Variants in MAML2 observed in about 807,000 individuals in gnomAD.
MAML2 encodes mastermind like transcriptional coactivator 2.
In MAML2, 22 loss-of-function variants were observed where a neutral mutation model predicts 96.1. The ratio of observed to expected loss-of-function variants is 0.23; its 90% CI spans 0.16 to 0.33. The LOEUF is 0.33. Among genes scored for constraint, MAML2 ranks in the 10% least tolerant of loss-of-function variants. The pLI, the probability that MAML2 is intolerant of heterozygous loss-of-function variation, is 1.00. For synonymous variants in MAML2, 561 were observed against 521.3 expected (o/e 1.08, Z -1.04); for missense variants, 1,367 against 1,392.4 (o/e 0.98, Z 0.29).
At chr11:96,067,833 A>G (rs1276099683) in intron 2 of MAML2, among the ~76,000 whole-genome samples, 2 of 152,224 alleles carry the variant, frequency 1.3e-5, no homozygotes, top group Non-Finnish European at 2.9e-5. Flanking sequence ...ACAACTTCAA[A>G]TATTATATTT....
At chr11:96,335,547 G>A (rs1229919632) in intron 1 of MAML2, among the ~76,000 whole-genome samples, 4 of 152,182 alleles carry the variant, frequency 2.6e-5, no homozygotes, top group Non-Finnish European at 1.5e-5. Context: ...CCATGAATGG[G>A]AGAATGTGTA....
chr11:96,202,799 T>C lies in MAML2; in HGVS notation c.514-109282A>G, dbSNP rs548259169. 2.2e-3 allele frequency among the ~76,000 whole-genome samples: 336 copies of C among 152,234 alleles called. 2 individuals are homozygous for C. The highest frequency in any genetic ancestry group is 7.8e-3 in the African/African-American group (325 of 41,542). On this transcript the variant is annotated intron_variant, in intron 1 of 4. Coordinates refer to ENST00000524717, the MANE Select transcript of MAML2 (RefSeq NM_032427.4). ...ACATGCCACCACGCCTGGCTAATTT[T>C]GTATTTTTGGTAGAGACAGGGTTTC...
At chr11:96,202,932 A>G (rs1407620516) in intron 1 of MAML2, among the ~76,000 whole-genome samples, 1 of 152,130 alleles carries the variant, frequency 6.6e-6, no homozygotes, top group Non-Finnish European at 1.5e-5. Context: ...CTAGCCTCAG[A>G]TGATATTTTT....
intron 2 of MAML2, among the ~76,000 whole-genome samples, chr11:96,007,941 G>C (rs1273399239): frequency 6.6e-6 from 1 of 150,584 alleles, no homozygotes; most frequent in Non-Finnish European, 1.5e-5. Flanking sequence ...ACGAGTTAGT[G>C]GGTGCAGCGC....
At chr11:96,301,618 C>T (rs1338248943) in intron 1 of MAML2, among the ~76,000 whole-genome samples, 1 of 152,216 alleles carries the variant, frequency 6.6e-6, no homozygotes, top group South Asian at 2.1e-4. Flanking sequence ...GGGCTCTTCA[C>T]TAGAGTTTAT....
chr11:96,260,898 G>T (rs1862740619), intron 1 of MAML2, among the ~76,000 whole-genome samples: 1 of 151,964 alleles, frequency 6.6e-6, no homozygotes, highest in African/African-American at 2.4e-5. Flanking sequence ...TCGTTTTTTG[G>T]GGGACAGCGT....
intron 1 of MAML2, among the ~76,000 whole-genome samples, chr11:96,155,377 T>C (rs1860993088): frequency 6.6e-6 from 1 of 151,510 alleles, no homozygotes; most frequent in Non-Finnish European, 1.5e-5. Context: ...CCCTGCCTTC[T>C]TGCTGATCAC....
chr11:96,141,432 T>C (rs2135866582), intron 1 of MAML2, among the ~76,000 whole-genome samples: 1 of 152,216 alleles, frequency 6.6e-6, no homozygotes, highest in Admixed American at 6.5e-5. Context: ...TTATACTACG[T>C]AAGAGGCCCC....
chr11:96,026,003 C>T (rs563206928), intron 2 of MAML2, among the ~76,000 whole-genome samples: 9 of 152,316 alleles, frequency 5.9e-5, no homozygotes, highest in Non-Finnish European at 7.3e-5. Flanking sequence ...TGTACATAGA[C>T]GATCTCACTG....
chr11:96,249,705 T>TG lies in MAML2; in HGVS notation c.513+91677_513+91678insC, dbSNP rs532050845. On this transcript the variant is annotated intron_variant, in intron 1 of 4. Transcript: ENST00000524717. ...TCTAAAATCCACACTTTTCCCCACTTTTACTGCTACTAGCTTGCTAGTAGC... is the reference window on the plus strand; with the variant it reads ...TCTAAAATCCACACTTTTCCCCACTTGTTACTGCTACTAGCTTGCTAGTAGC... Among the ~76,000 whole-genome samples, 358 of 152,146 alleles carry TG rather than the reference T, an allele frequency of 2.4e-3. 3 individuals carry two copies. The highest frequency in any genetic ancestry group is 4.2e-3 in the Non-Finnish European group (286 of 67,988).
At chr11:96,045,053 T>A (rs1590979048) in intron 2 of MAML2, among the ~76,000 whole-genome samples, 1 of 151,586 alleles carries the variant, frequency 6.6e-6, no homozygotes, top group Non-Finnish European at 1.5e-5. Flanking sequence ...ATATCCATCC[T>A]GCACTTCACC....
intron 1 of MAML2, among the ~76,000 whole-genome samples, chr11:96,174,514 GC>G (rs1309138875): frequency 6.6e-6 from 1 of 152,194 alleles, no homozygotes; most frequent in Admixed American, 6.5e-5. Flanking sequence ...CTCCTGAGTA[GC>G]TTGGATTACA....
intron 1 of MAML2, among the ~76,000 whole-genome samples, chr11:96,285,896 C>T (rs1303623791): frequency 1.3e-5 from 2 of 152,148 alleles, no homozygotes; most frequent in East Asian, 1.9e-4. Context: ...TTAGTTCAAC[C>T]ATTGTGGAAG....
chr11:96,062,643 C>T (rs12800440), intron 2 of MAML2, among the ~76,000 whole-genome samples: 25,416 of 152,164 alleles, frequency 0.17, 2,735 homozygotes, highest in Non-Finnish European at 0.24. Flanking sequence ...GCTAATTTTA[C>T]CTCTTAGACA....
chr11:96,222,565 C>T (rs1473118821), intron 1 of MAML2, among the ~76,000 whole-genome samples: 2 of 152,194 alleles, frequency 1.3e-5, no homozygotes, highest in Non-Finnish European at 2.9e-5. Flanking sequence ...TTCCTCTCAG[C>T]ACGAATGCAA....
intron 1 of MAML2, among the ~76,000 whole-genome samples, chr11:96,116,691 G>A (rs1030185455): frequency 6.6e-6 from 1 of 152,232 alleles, no homozygotes; most frequent in Non-Finnish European, 1.5e-5. Flanking sequence ...TACTAAACAA[G>A]TGGATTCCTT....
chr11:96,020,437 C>T (rs563278842), intron 2 of MAML2, among the ~76,000 whole-genome samples: 1 of 152,338 alleles, frequency 6.6e-6, no homozygotes, highest in East Asian at 1.9e-4. Context: ...TGGCCAATTT[C>T]TCTTGTTCTC....
At chr11:96,229,610 G>GC (rs1213348843) in intron 1 of MAML2, among the ~76,000 whole-genome samples, 1 of 147,556 alleles carries the variant, frequency 6.8e-6, no homozygotes, top group African/African-American at 2.5e-5. Flanking sequence ...CTACCATGGT[G>GC]CCTTGACTAC....
intron 1 of MAML2, among the ~76,000 whole-genome samples, chr11:96,189,132 C>G (rs1288786574): frequency 6.6e-6 from 1 of 151,774 alleles, no homozygotes; most frequent in African/African-American, 2.4e-5. Flanking sequence ...CATTATTCAC[C>G]GGCCATATCT....
Sources: gnomAD v4.1 joint callset for allele counts (sites outside exome capture counted in the v4.1 genomes callset) on GRCh38, gnomAD v4.1.1 for gene constraint, MANE v1.5 for transcripts, NCBI Gene and HGNC (gene_info 2026-07-23, HGNC 2026-07-21) for gene names.